The following RFC2 variants were observed in gnomAD, a reference collection of about 807,000 sequenced individuals.
RFC2 encodes replication factor C subunit 2.
In RFC2, 34 loss-of-function variants were observed where a neutral mutation model predicts 44.8. The observed-to-expected ratio is 0.76, with a 90% CI of 0.58 to 1.01. The LOEUF (loss-of-function observed/expected upper bound fraction) is 1.01. Among genes scored for constraint, RFC2 ranks in the 50% least tolerant of loss-of-function variants. The probability of loss-of-function intolerance (pLI) is 0.00; values close to 1 mark genes in which losing one functional copy is unlikely to be tolerated. For missense variants in RFC2, 400 were observed against 453.6 expected (o/e 0.88, Z 1.07); for synonymous variants, 177 against 168.9 (o/e 1.05, Z -0.37).
intron 10 of RFC2, 73 bp downstream of exon 10, chr7:74,235,459 G>C: frequency 3.2e-6 from 3 of 950,380 alleles, no homozygotes; most frequent in Non-Finnish European, 5.2e-6. Context: ...TGGGATTACA[G>C]GTGTGGCCCA....
chr7:74,244,999 G>A (rs1373797834), intron 5 of RFC2, among the ~76,000 whole-genome samples: 3 of 151,260 alleles, frequency 2.0e-5, no homozygotes, highest in African/African-American at 7.3e-5. Context: ...TAGGGTTAGG[G>A]TTCTATATTC....
intron 2 of RFC2, among the ~76,000 whole-genome samples, chr7:74,250,156 C>CAA (rs386714687): frequency 9.2e-6 from 1 of 108,778 alleles, no homozygotes; most frequent in Admixed American, 8.7e-5. Flanking sequence ...GTCTCAAAAA[C>CAA]AAAAAAAAAA....
chr7:74,253,068 G>A (rs782022968), intron 1 of RFC2, among the ~76,000 whole-genome samples: 1 of 152,184 alleles, frequency 6.6e-6, no homozygotes, highest in Non-Finnish European at 1.5e-5. Flanking sequence ...GCTGGAGCAC[G>A]GCCAGCACAG....
At position 74,251,633 on chromosome 7, in the gene RFC2, A is replaced by G. The variant is rs543196993; in HGVS notation, c.183+796T>C. Reference sequence around the variant, plus strand: ...GCCAACACGGTGAAACCCCATCTCTACTAAAAATAAAAAAATTAGCCAGGC... The same window carrying G: ...GCCAACACGGTGAAACCCCATCTCTGCTAAAAATAAAAAAATTAGCCAGGC... On this transcript the variant is annotated intron_variant, in intron 2 of 10. Transcript: ENST00000055077. Among the ~76,000 whole-genome samples, 14 of 151,130 alleles carry G rather than the reference A, an allele frequency of 9.3e-5. No individual in the cohort carries two copies. The East Asian group carries it at 2.8e-3, about 30-fold the overall frequency.
chr7:74,250,777 T>G (rs1165783129), intron 2 of RFC2, among the ~76,000 whole-genome samples: 1 of 152,066 alleles, frequency 6.6e-6, no homozygotes, highest in African/African-American at 2.4e-5. Flanking sequence ...TTTCCTAAAG[T>G]ACACACCTAT....
At chr7:74,233,488 C>T (rs782341213) in intron 10 of RFC2, among the ~76,000 whole-genome samples, 3 of 151,262 alleles carry the variant, frequency 2.0e-5, no homozygotes, top group Admixed American at 1.3e-4. Flanking sequence ...GGATGGCAAA[C>T]GAGCACATGA....
intron 7 of RFC2, among the ~76,000 whole-genome samples, 164 bp from the exon 8 acceptor site, chr7:74,239,152 G>A (rs1036114519): frequency 6.7e-5 from 10 of 148,442 alleles, no homozygotes; most frequent in Admixed American, 4.0e-4. Flanking sequence ...ATGAGCCACC[G>A]CACCGGGCCA....
In RFC2 at chr7:74,240,100, A is replaced by G; in HGVS notation, c.536-5T>C. The G allele has an allele frequency of 6.2e-7, 1 of 1,613,232 alleles. No individual in the cohort carries two copies. Among genetic ancestry groups the G allele is most frequent in the Non-Finnish European group, 8.5e-7 (1 of 1,179,402 alleles). ...CACAGCGGGACTGAATGGGCTCTGAACAGAGACGGGACAGTAGTGAGGCTT... is the reference window on the plus strand; with the variant it reads ...CACAGCGGGACTGAATGGGCTCTGAGCAGAGACGGGACAGTAGTGAGGCTT... On this transcript the variant is annotated splice_region_variant and splice_polypyrimidine_tract_variant and intron_variant, in intron 6 of 10. Transcript: ENST00000055077.
chr7:74,247,566 G>A (rs1389318784), intron 4 of RFC2, among the ~76,000 whole-genome samples: 3 of 152,172 alleles, frequency 2.0e-5, no homozygotes, highest in Admixed American at 1.3e-4. Context: ...CTTGAACCCA[G>A]AAGGCAGAGG....
chr7:74,237,475 C>T (rs1554718524), intron 8 of RFC2, 33 bp from the exon 9 acceptor site: 1 of 1,452,732 alleles, frequency 6.9e-7, no homozygotes, highest in Non-Finnish European at 9.4e-7. Flanking sequence ...CGGTCAGGGG[C>T]TAGAAGGGAC....
At chr7:74,252,307 T>C in intron 2 of RFC2, 122 bp downstream of exon 2, 1 of 586,094 alleles carries the variant, frequency 1.7e-6, no homozygotes, top group Non-Finnish European at 3.1e-6. Context: ...CTGGGGAGGC[T>C]GAGGCAGGAG....
chr7:74,234,383 G>C (rs1434534583), intron 10 of RFC2, among the ~76,000 whole-genome samples: 1 of 152,138 alleles, frequency 6.6e-6, no homozygotes, highest in Non-Finnish European at 1.5e-5. Context: ...GATAGTGTTT[G>C]CATGACTGAG....
chr7:74,239,843 T>C, intron 7 of RFC2, 95 bp downstream of exon 7: 2 of 1,201,078 alleles, frequency 1.7e-6, no homozygotes, highest in Non-Finnish European at 2.3e-6. Context: ...TTTCTCTTGT[T>C]GTACCTTGTG....
intron 6 of RFC2, 38 bp from the exon 7 acceptor site, chr7:74,240,133 G>A (rs782749894): frequency 2.0e-5 from 32 of 1,592,140 alleles, no homozygotes; most frequent in Non-Finnish European, 2.7e-5. Flanking sequence ...CTTCCCTGCA[G>A]AGGCCGGCAT....
chr7:74,246,242 T>TACAAAA (rs1803598587), intron 5 of RFC2, among the ~76,000 whole-genome samples: 1 of 144,642 alleles, frequency 6.9e-6, no homozygotes, highest in African/African-American at 2.6e-5. Flanking sequence ...CAAATACAAA[T>TACAAAA]ACAAAAATTA....
At chr7:74,243,079 T>C (rs995067704) in intron 6 of RFC2, 67 bp downstream of exon 6, 1 of 1,016,300 alleles carries the variant, frequency 9.8e-7, no homozygotes, top group Non-Finnish European at 1.6e-6. Context: ...GGAGACCACA[T>C]CTATAAAAAA....
chr7:74,240,519 AAAAG>A (rs1461511369), intron 6 of RFC2, among the ~76,000 whole-genome samples: 5 of 150,212 alleles, frequency 3.3e-5, no homozygotes, highest in Admixed American at 1.3e-4. Context: ...AAAAAAAAAA[AAAAG>A]AGAGAGAGAG....
chr7:74,237,472 G>C (rs1803086645), intron 8 of RFC2, 30 bp from the exon 9 acceptor site: 12 of 1,464,892 alleles, frequency 8.2e-6, no homozygotes, highest in Non-Finnish European at 1.1e-5. Flanking sequence ...AGGCGGTCAG[G>C]GGCTAGAAGG....
intron 1 of RFC2, 72 bp from the exon 2 acceptor site, chr7:74,252,570 A>T: frequency 1.2e-6 from 1 of 868,850 alleles, no homozygotes; most frequent in Non-Finnish European, 2.0e-6. Context: ...CCTAAGGGTT[A>T]TCCTGAGAGC....
Sources: allele counts gnomAD v4.1 joint callset (sites outside exome capture counted in the v4.1 genomes callset), GRCh38; gene constraint gnomAD v4.1.1; transcripts MANE v1.5; gene names NCBI Gene and HGNC (gene_info 2026-07-23, HGNC 2026-07-21).